RNF145: variants seen among roughly 807,000 people sequenced by gnomAD.
RNF145 encodes the protein ring finger protein 145.
A neutral mutation model predicts 57.3 loss-of-function variants in RNF145; 12 were observed. The observed-to-expected ratio is 0.21, with a 90% CI of 0.13 to 0.34. The LOEUF is 0.34. RNF145 is among the 10% of genes least tolerant of loss of function. RNF145 has a pLI of 1.00. For synonymous variants in RNF145, 262 were observed against 288.3 expected (o/e 0.91, Z 0.92); for missense variants, 429 against 799.0 (o/e 0.54, Z 5.58).
chr5:159,158,180 A>G lies in RNF145; in HGVS notation c.*490T>C, dbSNP rs138845720. ...TCAATAATCACCTGACTGAGCTCCAATTAACTGAGGAGAAACGGGGTGGAG... is the reference window on the plus strand; with the variant it reads ...TCAATAATCACCTGACTGAGCTCCAGTTAACTGAGGAGAAACGGGGTGGAG... On this transcript the variant is annotated 3_prime_UTR_variant, in exon 11 of 11. Coordinates refer to ENST00000424310, the MANE Select transcript of RNF145 (RefSeq NM_001199383.2). 1.3e-3 allele frequency: 215 copies of G among 162,934 alleles called. No homozygotes were observed. Among genetic ancestry groups the G allele is most frequent in the African/African-American group, 4.9e-3 (206 of 41,736 alleles). The allele number at this position is 162,934 out of a possible 1,614,324, so 10.1% of individuals were successfully genotyped here.
chr5:159,198,239 C>CTAAATAAATAAA (rs10565309), intron 2 of RNF145, among the ~76,000 whole-genome samples: 1 of 146,944 alleles, frequency 6.8e-6, no homozygotes, highest in African/African-American at 2.5e-5. Context: ...GACTCTATCT[C>CTAAATAAATAAA]TAAATAAATA....
chr5:159,209,423 CAGCGG>C lies in RNF145; in HGVS notation c.-237_-233del, dbSNP rs1786025554. ...GGGGAGGCGGAGGCAGCGGCAGCGG[CAGCGG>C]CCCGGCCCGTACGGTCACCATCGTC... On this transcript the variant is annotated 5_prime_UTR_variant, in exon 1 of 11. It removes the in-frame stop codon of an upstream open reading frame in the 5' UTR. Coordinates refer to ENST00000424310, the MANE Select transcript of RNF145 (RefSeq NM_001199383.2). 1.0e-6 allele frequency: 1 copy of C among 985,358 alleles called. No individual in the cohort carries two copies. The highest frequency in any genetic ancestry group is 1.2e-6 in the Non-Finnish European group (1 of 829,352). 61.0% of individuals were successfully genotyped at this position (985,358 alleles called of 1,614,324 possible).
Position 159,194,693 on chromosome 5 carries a change from C to CA in RNF145, c.293+22dup, listed in dbSNP as rs557118055. On this transcript the variant is annotated intron_variant, in intron 3 of 10. Coordinates refer to ENST00000424310, the MANE Select transcript of RNF145 (RefSeq NM_001199383.2). ...AAACTTTAAATTCAATCATACATTTCAAAAATGGGGTCATATTCTTACCTG... is the reference window on the plus strand; with the variant it reads ...AAACTTTAAATTCAATCATACATTTCAAAAAATGGGGTCATATTCTTACCTG... 2.4e-4 allele frequency: 329 copies of CA among 1,382,736 alleles called. 1 individual carries two copies. The African/African-American group carries it at 4.1e-3, about 17-fold the overall frequency. The allele number at this position is 1,382,736 out of a possible 1,614,324, so 85.7% of individuals were successfully genotyped here.
chr5:159,188,433 GA>G (rs1259255995), intron 3 of RNF145, among the ~76,000 whole-genome samples: 1 of 151,126 alleles, frequency 6.6e-6, no homozygotes, highest in Admixed American at 6.6e-5. Flanking sequence ...AGAAATTTTA[GA>G]AAAAACATCC....
intron 2 of RNF145, among the ~76,000 whole-genome samples, chr5:159,201,780 T>G (rs1183168039): frequency 2.0e-5 from 3 of 152,282 alleles, no homozygotes; most frequent in South Asian, 4.1e-4. Context: ...CAGAAAGAAA[T>G]AAAAGCTACA....
At position 159,191,532 on chromosome 5, in the gene RNF145, C is replaced by A. The variant is rs1033672641; in HGVS notation, c.293+3184G>T. Among the ~76,000 whole-genome samples the A allele has an allele frequency of 3.3e-4, 50 of 152,204 alleles. No homozygotes were observed. The East Asian group carries it at 9.3e-3, about 28-fold the overall frequency. ...TTGAGGCTGGACACGATGGTTCGTG[C>A]CTGTAATCTCAGCACTTTGGGAGGC... is the stretch of plus-strand genomic sequence containing the variant. On this transcript the variant is annotated intron_variant, in intron 3 of 10. Coordinates refer to ENST00000424310, the MANE Select transcript of RNF145 (RefSeq NM_001199383.2).
intron 3 of RNF145, among the ~76,000 whole-genome samples, chr5:159,188,527 T>C (rs1480916114): frequency 1.3e-5 from 2 of 152,206 alleles, no homozygotes; most frequent in Non-Finnish European, 2.9e-5. Flanking sequence ...GTTTTTCTTT[T>C]TTCCCCCTTA....
intron 4 of RNF145, among the ~76,000 whole-genome samples, chr5:159,179,241 C>T (rs74957568): frequency 9.9e-5 from 15 of 152,040 alleles, no homozygotes; most frequent in Non-Finnish European, 2.1e-4. Context: ...CTCCTGCTGA[C>T]GTAAAAGAAG....
intron 4 of RNF145, among the ~76,000 whole-genome samples, chr5:159,181,357 A>G (rs1224805087): frequency 1.3e-5 from 2 of 152,030 alleles, no homozygotes; most frequent in African/African-American, 4.8e-5. Context: ...TCTAATCTCT[A>G]ATATTAGGCC....
At chr5:159,183,713 C>T (rs540336470) in intron 3 of RNF145, among the ~76,000 whole-genome samples, 1 of 151,964 alleles carries the variant, frequency 6.6e-6, no homozygotes, top group South Asian at 2.1e-4. Context: ...CCTTTAAAGC[C>T]CAATAATTTC....
rs10565309 is a variant in RNF145 at position 159,198,239 on chromosome 5, C to CTAAA, written c.185-3419_185-3416dup. Among the ~76,000 whole-genome samples the CTAAA allele has an allele frequency of 2.5e-3, 374 of 147,052 alleles. 2 individuals are homozygous for CTAAA. The highest frequency in any genetic ancestry group is 3.7e-3 in the South Asian group (17 of 4,538). ...TCTGGGCGACAGTGAGACTCTATCTCTAAATAAATAAATAAATAAATAAAT... is the reference window on the plus strand; with the variant it reads ...TCTGGGCGACAGTGAGACTCTATCTCTAAATAAATAAATAAATAAATAAATAAAT... On this transcript the variant is annotated intron_variant, in intron 2 of 10. Transcript: ENST00000424310.
At chr5:159,164,487 A>G (rs1337041570) in intron 8 of RNF145, among the ~76,000 whole-genome samples, 1 of 152,180 alleles carries the variant, frequency 6.6e-6, no homozygotes, top group Admixed American at 6.5e-5. Flanking sequence ...AAGCACACAC[A>G]CAGAAATGTA....
intron 6 of RNF145, among the ~76,000 whole-genome samples, chr5:159,170,222 T>C (rs1172173124): frequency 6.6e-6 from 1 of 152,212 alleles, no homozygotes; most frequent in East Asian, 1.9e-4. Flanking sequence ...TACATTATAA[T>C]ATGAATACTT....
At chr5:159,191,184 T>G (rs1038311342) in intron 3 of RNF145, among the ~76,000 whole-genome samples, 1 of 151,872 alleles carries the variant, frequency 6.6e-6, no homozygotes. Context: ...AGCCCAGGAG[T>G]TGGACAAGCT....
intron 3 of RNF145, among the ~76,000 whole-genome samples, chr5:159,191,474 A>C (rs575927284): frequency 6.6e-6 from 1 of 152,316 alleles, no homozygotes; most frequent in East Asian, 1.9e-4. Context: ...TGCCTACTAT[A>C]AAATTTTATT....
intron 10 of RNF145, among the ~76,000 whole-genome samples, chr5:159,160,963 C>T (rs1244595234): frequency 1.3e-5 from 2 of 152,032 alleles, no homozygotes; most frequent in East Asian, 3.9e-4. Context: ...TTCAATAGTC[C>T]GTGTGAGTGT....
rs370903307 is a variant in RNF145 at position 159,161,401 on chromosome 5, G to A, written c.1491C>T (p.Asn497=). The A allele has an allele frequency of 1.3e-5, 21 of 1,614,154 alleles. No homozygotes were observed. The highest frequency in any genetic ancestry group is 1.6e-4 in the Middle Eastern group (1 of 6,062). The change falls in exon 10 of 11, where the codon AAC becomes AAT. Residue 497 remains asparagine, a synonymous_variant. Transcript: ENST00000424310. ...ACCCCAGCTGGGCCCGAAGCCACAC[G>A]TTATAGTAGGAATGAATGAAGATGA... ...SMIIFIHSYY[N]VWLRAQLGWK... is the part of the protein sequence containing the mutation.
chr5:159,196,135 C>T (rs1321219225), intron 2 of RNF145, among the ~76,000 whole-genome samples: 1 of 152,074 alleles, frequency 6.6e-6, no homozygotes, highest in Admixed American at 6.6e-5. Context: ...ATACTTCAAG[C>T]TTGTCCAACC....
chr5:159,189,243 A>AG (rs1785201004), intron 3 of RNF145, among the ~76,000 whole-genome samples: 4 of 152,184 alleles, frequency 2.6e-5, no homozygotes, highest in African/African-American at 9.7e-5. Flanking sequence ...TATATAAAGA[A>AG]CTCCTACAAC....
Sources: allele counts gnomAD v4.1 joint callset (sites outside exome capture counted in the v4.1 genomes callset), GRCh38; gene constraint gnomAD v4.1.1; transcripts MANE v1.5; gene names NCBI Gene and HGNC (gene_info 2026-07-23, HGNC 2026-07-21).